Variants in KLHL1 observed in about 807,000 individuals in gnomAD.
KLHL1 encodes the protein kelch-like protein 1.
In KLHL1, 47 loss-of-function variants were observed where a neutral mutation model predicts 77.7. The observed-to-expected ratio is 0.60, with a 90% CI of 0.48 to 0.77. KLHL1 has a LOEUF of 0.77. KLHL1 is among the 30% of genes least tolerant of loss of function. The pLI is 0.00. For missense variants in KLHL1, 925 were observed against 910.8 expected (o/e 1.02, Z -0.20); for synonymous variants, 360 against 325.2 (o/e 1.11, Z -1.15).
At chr13:70,019,394 G>A (rs1218605455) in intron 1 of KLHL1, among the ~76,000 whole-genome samples, 1 of 152,110 alleles carries the variant, frequency 6.6e-6, no homozygotes, top group East Asian at 1.9e-4. Flanking sequence ...TCACAAGGAA[G>A]TAAGAGGAAG....
At chr13:70,058,107 A>G (rs1886793780) in intron 1 of KLHL1, among the ~76,000 whole-genome samples, 1 of 152,192 alleles carries the variant, frequency 6.6e-6, no homozygotes, top group South Asian at 2.1e-4. Context: ...ACAGAGCCAT[A>G]TATGACAGTC....
At position 69,928,023 on chromosome 13, in the gene KLHL1, G is replaced by T. The variant is rs916534733; in HGVS notation, c.1014+12017C>A. On this transcript the variant is annotated intron_variant, in intron 4 of 10. Coordinates refer to ENST00000377844, the MANE Select transcript of KLHL1 (RefSeq NM_020866.3). ...AAGCATTAATTAGGCTACAGTTTGG[G>T]CCATGTCCTTGTGGTTTCATAGAAA... is the stretch of plus-strand genomic sequence containing the variant. 3.3e-5 allele frequency among the ~76,000 whole-genome samples: 5 copies of T among 152,248 alleles called. No homozygotes were observed. In the East Asian group the frequency reaches 9.7e-4, roughly 29 times the overall value.
At chr13:70,075,823 AG>A (rs1472658312) in intron 1 of KLHL1, among the ~76,000 whole-genome samples, 1 of 149,204 alleles carries the variant, frequency 6.7e-6, no homozygotes, top group African/African-American at 2.5e-5. Flanking sequence ...GGCTAATGAA[AG>A]TCAATTGCTT....
At chr13:69,941,434 G>A (rs1001547753) in intron 3 of KLHL1, among the ~76,000 whole-genome samples, 2 of 151,972 alleles carry the variant, frequency 1.3e-5, no homozygotes, top group Non-Finnish European at 2.9e-5. Flanking sequence ...AAAACCTGTG[G>A]TATACAGCAA....
At position 69,856,215 on chromosome 13, in the gene KLHL1, TCTTC is replaced by T. The variant is rs570739400; in HGVS notation, c.1228-17057_1228-17054del. Among the ~76,000 whole-genome samples the T allele has an allele frequency of 1.8e-3, 270 of 152,032 alleles. 2 individuals carry two copies. The highest frequency in any genetic ancestry group is 6.1e-3 in the African/African-American group (253 of 41,510). On this transcript the variant is annotated intron_variant, in intron 5 of 10. Coordinates refer to ENST00000377844, the MANE Select transcript of KLHL1 (RefSeq NM_020866.3). ...AGTTGAAAAATAAATTTTAAAAAAA[TCTTC>T]CTTCATTTCAAAGGGCAGGTATAGT...
intron 1 of KLHL1, among the ~76,000 whole-genome samples, chr13:70,057,782 CAAAAAAAAAAAA>C (rs60920874): frequency 6.4e-5 from 4 of 62,272 alleles, no homozygotes; most frequent in Non-Finnish European, 8.3e-5. Context: ...GACTCCGTCT[CAAAAAAAAAAAA>C]AAAAAAAAAA....
At chr13:70,094,621 A>C (rs1294212548) in intron 1 of KLHL1, among the ~76,000 whole-genome samples, 1 of 152,112 alleles carries the variant, frequency 6.6e-6, no homozygotes, top group African/African-American at 2.4e-5. Flanking sequence ...CATACCTCCA[A>C]GTAAAGCAAG....
At chr13:69,890,439 C>T (rs994633882) in intron 4 of KLHL1, among the ~76,000 whole-genome samples, 4 of 151,778 alleles carry the variant, frequency 2.6e-5, no homozygotes, top group African/African-American at 9.7e-5. Context: ...CACTGATTAC[C>T]CGGTAATTAT....
At chr13:69,998,190 G>A (rs1885203879) in intron 1 of KLHL1, among the ~76,000 whole-genome samples, 2 of 152,188 alleles carry the variant, frequency 1.3e-5, no homozygotes, top group Admixed American at 6.6e-5. Context: ...TCCAAAGCAA[G>A]AGAAGCCTCT....
At chr13:69,728,301 A>T (rs1019936243) in intron 8 of KLHL1, among the ~76,000 whole-genome samples, 2 of 152,118 alleles carry the variant, frequency 1.3e-5, no homozygotes, top group African/African-American at 4.8e-5. Flanking sequence ...TGTGCTAGGT[A>T]TTAGGACATA....
intron 1 of KLHL1, among the ~76,000 whole-genome samples, chr13:70,007,004 A>T (rs1042269951): frequency 6.6e-6 from 1 of 152,020 alleles, no homozygotes; most frequent in Non-Finnish European, 1.5e-5. Context: ...ATTATTGATG[A>T]TAGCCATAAG....
intron 8 of KLHL1, among the ~76,000 whole-genome samples, chr13:69,725,164 G>A (rs967974126): frequency 3.3e-5 from 5 of 152,180 alleles, no homozygotes; most frequent in African/African-American, 1.2e-4. Context: ...CTGACCAAGA[G>A]GAAGTCACTA....
intron 4 of KLHL1, among the ~76,000 whole-genome samples, chr13:69,914,898 A>G (rs1882368948): frequency 6.6e-6 from 1 of 152,184 alleles, no homozygotes; most frequent in African/African-American, 2.4e-5. Context: ...AATTAGGTGT[A>G]AATGGTACTA....
chr13:70,005,899 T>C (rs1023057823), intron 1 of KLHL1, among the ~76,000 whole-genome samples: 11 of 152,008 alleles, frequency 7.2e-5, no homozygotes, highest in Non-Finnish European at 1.0e-4. Flanking sequence ...TTTAGCAAAT[T>C]CTGAAGTGCT....
chr13:69,945,996 A>C (rs900449461), intron 3 of KLHL1, among the ~76,000 whole-genome samples: 2 of 152,212 alleles, frequency 1.3e-5, no homozygotes, highest in African/African-American at 4.8e-5. Context: ...ATAATAATAA[A>C]AATAAAATAA....
rs148764606 is a variant in KLHL1 at position 70,060,450 on chromosome 13, G to A, written c.497+46753C>T. On this transcript the variant is annotated intron_variant, in intron 1 of 10. Coordinates refer to ENST00000377844, the MANE Select transcript of KLHL1 (RefSeq NM_020866.3). ...AAAGGAAGAAAATCAATATTTTAAA[G>A]ACACACCTGCCCTCCCATGTTTATT... Among the ~76,000 whole-genome samples the A allele has an allele frequency of 3.2e-4, 49 of 151,904 alleles. No homozygotes were observed. The East Asian group carries it at 8.9e-3, about 28-fold the overall frequency.
chr13:70,108,242 C>A lies in KLHL1; in HGVS notation c.-543G>T. On this transcript the variant is annotated 5_prime_UTR_variant, in exon 1 of 11. Transcript: ENST00000377844. ...CGAGGAAGCGTACCCCTCGCCAGATCTCTTGGTGCACCTGCGCCCCTGTCC... is the reference window on the plus strand; with the variant it reads ...CGAGGAAGCGTACCCCTCGCCAGATATCTTGGTGCACCTGCGCCCCTGTCC... 2.6e-6 allele frequency: 1 copy of A among 388,950 alleles called. No homozygotes were observed. The highest frequency in any genetic ancestry group is 3.7e-5 in the East Asian group (1 of 27,170). The allele number at this position is 388,950 out of a possible 1,614,324, so 24.1% of individuals were successfully genotyped here.
At chr13:70,022,272 CGTGTGTGTTTGTGTGTGT>C (rs1225620634) in intron 1 of KLHL1, among the ~76,000 whole-genome samples, 1 of 54,116 alleles carries the variant, frequency 1.8e-5, no homozygotes, top group South Asian at 4.6e-4. Context: ...AAGTTGATTA[CGTGTGTGTTTGTGTGTGT>C]GTGTGTGTGT....
At chr13:70,034,334 G>A (rs1049405048) in intron 1 of KLHL1, among the ~76,000 whole-genome samples, 3 of 152,138 alleles carry the variant, frequency 2.0e-5, no homozygotes, top group Non-Finnish European at 2.9e-5. Context: ...TAAAAACACA[G>A]AAATTCTCTT....
Sources: gnomAD v4.1 joint callset for allele counts (sites outside exome capture counted in the v4.1 genomes callset) on GRCh38, gnomAD v4.1.1 for gene constraint, MANE v1.5 for transcripts, NCBI Gene and HGNC (gene_info 2026-07-23, HGNC 2026-07-21) for gene names.